The following FAM227B variants were observed in gnomAD, a reference collection of about 807,000 sequenced individuals.
FAM227B encodes the protein protein FAM227B.
Under a neutral mutation model 73.8 loss-of-function variants are expected in FAM227B, and 88 were observed. That is an observed-to-expected ratio of 1.19 (90% CI 1.00 to 1.42). The LOEUF (loss-of-function observed/expected upper bound fraction) is 1.42, where lower values mean the gene tolerates loss of function less well. Ranked by LOEUF, FAM227B falls within the 40% of genes most tolerant of loss-of-function variation. The pLI, the probability that FAM227B is intolerant of heterozygous loss-of-function variation, is 0.00. For synonymous variants in FAM227B, 210 were observed against 190.5 expected, an observed-to-expected ratio of 1.10 and a Z score of -0.84; for missense variants, 632 against 590.9, an observed-to-expected ratio of 1.07 and a Z score of -0.72.
chr15:49,503,513 T>C (rs2058319529), intron 11 of FAM227B, among the ~76,000 whole-genome samples: 1 of 152,124 alleles, frequency 6.6e-6, no homozygotes, highest in South Asian at 2.1e-4. Context: ...AGAAAATTTC[T>C]GCAATCTACT....
intron 11 of FAM227B, among the ~76,000 whole-genome samples, chr15:49,442,695 GA>G (rs1333458048): frequency 1.3e-5 from 2 of 151,674 alleles, no homozygotes; most frequent in Non-Finnish European, 3.0e-5. Flanking sequence ...GCAGGTAAAG[GA>G]AATCTACTAG....
intron 11 of FAM227B, among the ~76,000 whole-genome samples, chr15:49,379,852 C>A (rs2046408489): frequency 6.6e-6 from 1 of 152,200 alleles, no homozygotes; most frequent in African/African-American, 2.4e-5. Flanking sequence ...GCCGGCACAG[C>A]ACTGGGTCTT....
chr15:49,617,458 TGAA>T (rs1159773872), intron 1 of FAM227B, among the ~76,000 whole-genome samples: 9 of 152,120 alleles, frequency 5.9e-5, no homozygotes, highest in African/African-American at 2.2e-4. Context: ...GAAAAATAGC[TGAA>T]GAAATCTTCT....
At chr15:49,471,240 C>G (rs779495702) in intron 11 of FAM227B, among the ~76,000 whole-genome samples, 1 of 117,876 alleles carries the variant, frequency 8.5e-6, no homozygotes, top group African/African-American at 2.9e-5. Context: ...AATCCCAGCA[C>G]TTTGGGAGGC....
intron 9 of FAM227B, among the ~76,000 whole-genome samples, chr15:49,558,096 G>A (rs1241243021): frequency 6.7e-6 from 1 of 150,052 alleles, no homozygotes; most frequent in Non-Finnish European, 1.5e-5. Context: ...ATCCGGCAGG[G>A]CTTGCTGACT....
chr15:49,364,210 C>G (rs951895623), intron 13 of FAM227B, among the ~76,000 whole-genome samples: 22 of 152,230 alleles, frequency 1.4e-4, no homozygotes, highest in African/African-American at 5.3e-4. Context: ...CTTTATATAT[C>G]TGGTGGAATT....
At chr15:49,427,557 C>T (rs572748823) in intron 11 of FAM227B, among the ~76,000 whole-genome samples, 25 of 152,036 alleles carry the variant, frequency 1.6e-4, no homozygotes, top group African/African-American at 5.3e-4. Flanking sequence ...TAAAATTTTA[C>T]ATGAAAAGTA....
At chr15:49,616,712 T>C (rs764097947) in intron 1 of FAM227B, among the ~76,000 whole-genome samples, 3 of 152,220 alleles carry the variant, frequency 2.0e-5, no homozygotes, top group African/African-American at 4.8e-5. Context: ...CTAATACAGA[T>C]ATAAGCTATC....
chr15:49,359,944 A>G (rs2043889737), intron 13 of FAM227B, among the ~76,000 whole-genome samples: 1 of 150,428 alleles, frequency 6.6e-6, no homozygotes, highest in South Asian at 2.1e-4. Context: ...TTGTATGGAC[A>G]TGGATGAAAT....
At chr15:49,533,128 TC>T (rs1275340206) in intron 10 of FAM227B, among the ~76,000 whole-genome samples, 1 of 151,948 alleles carries the variant, frequency 6.6e-6, no homozygotes, top group Non-Finnish European at 1.5e-5. Context: ...ATTTTGATTT[TC>T]CTTTTGATTT....
chr15:49,355,923 G>C, intron 13 of FAM227B, among the ~76,000 whole-genome samples: 1 of 151,776 alleles, frequency 6.6e-6, no homozygotes, highest in Admixed American at 6.6e-5. Context: ...AGAAGAGAGT[G>C]GGGGCCAATA....
At chr15:49,413,548 A>C (rs185372151) in intron 11 of FAM227B, among the ~76,000 whole-genome samples, 1 of 152,222 alleles carries the variant, frequency 6.6e-6, no homozygotes, top group East Asian at 1.9e-4. Context: ...AATTAGTCTA[A>C]GATATAATCT....
intron 10 of FAM227B, among the ~76,000 whole-genome samples, chr15:49,536,740 A>G (rs2070331000): frequency 6.6e-6 from 1 of 152,046 alleles, no homozygotes; most frequent in African/African-American, 2.4e-5. Flanking sequence ...GGTATAGAAT[A>G]CAGGGCCCAG....
chr15:49,346,550 C>T (rs2041533677), intron 13 of FAM227B, among the ~76,000 whole-genome samples: 1 of 152,076 alleles, frequency 6.6e-6, no homozygotes, highest in South Asian at 2.1e-4. Flanking sequence ...TTTGCAAAAC[C>T]TGTGTCACAG....
At chr15:49,363,810 G>GT (rs904145244) in intron 13 of FAM227B, among the ~76,000 whole-genome samples, 2 of 151,988 alleles carry the variant, frequency 1.3e-5, no homozygotes, top group South Asian at 4.2e-4. Flanking sequence ...TTTGTTGAGG[G>GT]TTTTTTATCA....
chr15:49,516,189 T>C (rs2059366469), intron 10 of FAM227B, among the ~76,000 whole-genome samples: 1 of 152,160 alleles, frequency 6.6e-6, no homozygotes, highest in Non-Finnish European at 1.5e-5. Flanking sequence ...TTTATCCCTT[T>C]CCTTCAGTGA....
chr15:49,516,628 G>C (rs941068527), intron 10 of FAM227B, among the ~76,000 whole-genome samples: 2 of 151,852 alleles, frequency 1.3e-5, no homozygotes, highest in African/African-American at 4.8e-5. Flanking sequence ...GTAAGGCTGG[G>C]ATGTGGAATT....
intron 11 of FAM227B, among the ~76,000 whole-genome samples, chr15:49,397,166 C>A (rs2047739593): frequency 6.6e-6 from 1 of 152,114 alleles, no homozygotes; most frequent in Non-Finnish European, 1.5e-5. Context: ...GCTGATGGAG[C>A]TGAACACCAA....
chr15:49,586,515 C>T (rs1304229064), intron 5 of FAM227B, among the ~76,000 whole-genome samples: 1 of 151,946 alleles, frequency 6.6e-6, no homozygotes, highest in African/African-American at 2.4e-5. Context: ...AATGCAATTG[C>T]AACAAAAGCA....
Sources: gnomAD v4.1 joint callset for allele counts (sites outside exome capture counted in the v4.1 genomes callset) on GRCh38, gnomAD v4.1.1 for gene constraint, MANE v1.5 for transcripts, NCBI Gene and HGNC (gene_info 2026-07-23, HGNC 2026-07-21) for gene names.